The following VEPH1 variants were observed in gnomAD, a reference collection of about 807,000 sequenced individuals.
VEPH1 encodes the protein ventricular zone expressed PH domain containing 1.
In VEPH1, 80 loss-of-function variants were observed where a neutral mutation model predicts 85.2. That is an observed-to-expected ratio of 0.94 (90% CI 0.78 to 1.13). VEPH1 has a LOEUF of 1.13. Ranked by LOEUF, VEPH1 falls within the 50% of genes most tolerant of loss-of-function variation. The probability of loss-of-function intolerance (pLI) is 0.00; values close to 1 mark genes in which losing one functional copy is unlikely to be tolerated. For missense variants in VEPH1, 955 were observed against 980.5 expected, an observed-to-expected ratio of 0.97 and a Z score of 0.35; for synonymous variants, 297 against 348.0, an observed-to-expected ratio of 0.85 and a Z score of 1.63.
At chr3:157,314,300 T>C (rs1301963343) in intron 10 of VEPH1, among the ~76,000 whole-genome samples, 1 of 114,088 alleles carries the variant, frequency 8.8e-6, no homozygotes, top group Non-Finnish European at 1.7e-5. Context: ...GCCACTGCAC[T>C]CCAGCCTGGG....
chr3:157,450,048 CTTTTTT>C (rs761761440), intron 4 of VEPH1, among the ~76,000 whole-genome samples: 14,300 of 77,542 alleles, frequency 0.18, 998 homozygotes, highest in African/African-American at 0.31. Flanking sequence ...AGAATATTTA[CTTTTTT>C]TTTTTTTTTT....
intron 6 of VEPH1, among the ~76,000 whole-genome samples, chr3:157,387,965 AT>A (rs1197430740): frequency 6.6e-6 from 1 of 152,158 alleles, no homozygotes; most frequent in Admixed American, 6.5e-5. Context: ...TATAATCCAC[AT>A]TTTTCTCTCC....
At chr3:157,280,889 T>C (rs1577226678) in intron 12 of VEPH1, among the ~76,000 whole-genome samples, 2 of 152,216 alleles carry the variant, frequency 1.3e-5, no homozygotes, top group Non-Finnish European at 2.9e-5. Flanking sequence ...TTAAACACTA[T>C]AATGTGCCAG....
intron 6 of VEPH1, 82 bp downstream of exon 6, chr3:157,413,799 T>G: frequency 6.8e-7 from 1 of 1,470,958 alleles, no homozygotes. Flanking sequence ...AATTTGCACG[T>G]CATAATAATC....
intron 9 of VEPH1, among the ~76,000 whole-genome samples, chr3:157,341,876 T>C (rs1723606976): frequency 6.6e-6 from 1 of 152,074 alleles, no homozygotes; most frequent in Non-Finnish European, 1.5e-5. Flanking sequence ...ATATTCAACA[T>C]TCTTAAAGAA....
chr3:157,318,927 G>A (rs1721082490), intron 9 of VEPH1, among the ~76,000 whole-genome samples: 1 of 152,068 alleles, frequency 6.6e-6, no homozygotes, highest in Non-Finnish European at 1.5e-5. Flanking sequence ...ATCCTAGTAC[G>A]GGCGACAGAG....
At chr3:157,454,261 T>C (rs897101419) in intron 4 of VEPH1, among the ~76,000 whole-genome samples, 1 of 152,188 alleles carries the variant, frequency 6.6e-6, no homozygotes, top group African/African-American at 2.4e-5. Context: ...TTTAATCCCG[T>C]GGCCAAAGGA....
At chr3:157,287,633 T>C (rs1186827954) in intron 11 of VEPH1, among the ~76,000 whole-genome samples, 1 of 152,106 alleles carries the variant, frequency 6.6e-6, no homozygotes, top group East Asian at 1.9e-4. Context: ...GGTGTGATCT[T>C]GGCTTACTGC....
chr3:157,428,298 T>C, intron 5 of VEPH1, 24 bp downstream of exon 5: 3 of 1,612,318 alleles, frequency 1.9e-6, no homozygotes, highest in Middle Eastern at 1.7e-4. Context: ...GTGTGCACCA[T>C]GACATATACA....
intron 11 of VEPH1, among the ~76,000 whole-genome samples, chr3:157,290,164 T>G (rs912769509): frequency 6.6e-6 from 1 of 152,148 alleles, no homozygotes; most frequent in Non-Finnish European, 1.5e-5. Flanking sequence ...CTGCAGGGAC[T>G]ATGCGTGGCT....
chr3:157,424,600 G>A (rs1732614197), intron 5 of VEPH1, among the ~76,000 whole-genome samples: 2 of 152,228 alleles, frequency 1.3e-5, no homozygotes, highest in Admixed American at 1.3e-4. Flanking sequence ...CTCAGATGGA[G>A]ATGAGAAACT....
At chr3:157,318,897 A>C (rs1310318945) in intron 9 of VEPH1, among the ~76,000 whole-genome samples, 1 of 152,092 alleles carries the variant, frequency 6.6e-6, no homozygotes, top group Non-Finnish European at 1.5e-5. Flanking sequence ...AAACAAACAA[A>C]ATAATAAAAG....
intron 6 of VEPH1, among the ~76,000 whole-genome samples, chr3:157,399,491 A>C (rs1560032677): frequency 1.3e-5 from 2 of 152,118 alleles, no homozygotes; most frequent in South Asian, 2.1e-4. Flanking sequence ...AGTCTTTTTC[A>C]GTCTTTTCCT....
chr3:157,422,077 G>A lies in VEPH1; in HGVS notation c.696+6245C>T, dbSNP rs74643479. Among the ~76,000 whole-genome samples, 1,149 of 152,278 alleles carry A rather than the reference G, an allele frequency of 7.5e-3. 16 individuals are homozygous for A. The highest frequency in any genetic ancestry group is 0.026 in the African/African-American group (1,088 of 41,552). On this transcript the variant is annotated intron_variant, in intron 5 of 13. Transcript: ENST00000362010. Reference sequence around the variant, plus strand: ...ACTCTCATTTGCTTCACAAGCCACAGCCTTGATTCTTTAGTGTGTTGAGGT... The same window carrying A: ...ACTCTCATTTGCTTCACAAGCCACAACCTTGATTCTTTAGTGTGTTGAGGT...
chr3:157,343,205 CAAAAAACCCTTCAAAAAATCAATG>C (rs1723787356), intron 9 of VEPH1, among the ~76,000 whole-genome samples: 1 of 151,902 alleles, frequency 6.6e-6, no homozygotes, highest in Admixed American at 6.6e-5. Context: ...GATAGAGACA[CAAAAAACCCTTCAAAAAATCAATG>C]AATCCAGGAG....
intron 6 of VEPH1, among the ~76,000 whole-genome samples, chr3:157,388,599 G>A (rs1228992062): frequency 6.6e-6 from 1 of 152,042 alleles, no homozygotes; most frequent in Non-Finnish European, 1.5e-5. Flanking sequence ...TGAATATGAT[G>A]ATATATCACT....
chr3:157,321,480 A>G lies in VEPH1; in HGVS notation c.1736-4279T>C, dbSNP rs1226322965. Among the ~76,000 whole-genome samples, 4 of 152,224 alleles carry G rather than the reference A, an allele frequency of 2.6e-5. No individual in the cohort carries two copies. The East Asian group carries it at 7.7e-4, about 29-fold the overall frequency. On this transcript the variant is annotated intron_variant, in intron 9 of 13. Transcript: ENST00000362010. ...AACCAATTACATTTCATCTTTATGA[A>G]GCAGGCTTTGTTATCTCCATCTTAC...
intron 12 of VEPH1, among the ~76,000 whole-genome samples, chr3:157,268,780 C>T (rs957196705): frequency 6.6e-6 from 1 of 152,182 alleles, no homozygotes; most frequent in African/African-American, 2.4e-5. Flanking sequence ...CAGGGTGTCA[C>T]TCTGTCACCC....
At chr3:157,320,109 TTGGATGAATGAATGAA>T (rs904012448) in intron 9 of VEPH1, among the ~76,000 whole-genome samples, 1 of 152,144 alleles carries the variant, frequency 6.6e-6, no homozygotes, top group Non-Finnish European at 1.5e-5. Flanking sequence ...TAAATTGTTG[TTGGATGAATGAATGAA>T]TGGATGAGTG....
Sources: gnomAD v4.1 joint callset for allele counts (sites outside exome capture counted in the v4.1 genomes callset) on GRCh38, gnomAD v4.1.1 for gene constraint, MANE v1.5 for transcripts, NCBI Gene and HGNC (gene_info 2026-07-23, HGNC 2026-07-21) for gene names.